VRK1: variants seen among roughly 807,000 people sequenced by gnomAD.
The protein encoded by VRK1 is VRK serine/threonine kinase 1.
A neutral mutation model predicts 57.1 loss-of-function variants in VRK1; 33 were observed. The observed-to-expected ratio is 0.58, with a 90% CI of 0.44 to 0.77. The LOEUF (loss-of-function observed/expected upper bound fraction) is 0.77. Ranked by LOEUF, VRK1 falls within the 30% of genes least tolerant of loss-of-function variation. The pLI, the probability that VRK1 is intolerant of heterozygous loss-of-function variation, is 0.00. For missense variants in VRK1, 413 were observed against 477.3 expected (o/e 0.87, Z 1.25); for synonymous variants, 137 against 147.8 (o/e 0.93, Z 0.53).
chr14:96,870,381 T>C (rs1888771976), intron 11 of VRK1, among the ~76,000 whole-genome samples: 1 of 152,192 alleles, frequency 6.6e-6, no homozygotes, highest in Non-Finnish European at 1.5e-5. Context: ...CCATAAATTG[T>C]ACTTGAACCA....
In VRK1 at chr14:96,856,112, C is replaced by T; in HGVS notation, c.710-18C>T. The T allele has an allele frequency of 6.2e-7, 1 of 1,613,076 alleles. No homozygotes were observed. The highest frequency in any genetic ancestry group is 8.5e-7 in the Non-Finnish European group (1 of 1,179,448). On this transcript the variant is annotated intron_variant, in intron 8 of 12. Coordinates refer to ENST00000216639, the MANE Select transcript of VRK1 (RefSeq NM_003384.3). ...AAATTATTTCAGTCTACCTAATGTTCTTCTCTTGCATTTGTAGCCCCATCA... is the reference window on the plus strand; with the variant it reads ...AAATTATTTCAGTCTACCTAATGTTTTTCTCTTGCATTTGTAGCCCCATCA...
chr14:96,808,002 C>CCTCTCTCCCTCTCTCCGTCT (rs149250994), intron 1 of VRK1, among the ~76,000 whole-genome samples: 1 of 118,140 alleles, frequency 8.5e-6, no homozygotes, highest in Admixed American at 8.5e-5. Flanking sequence ...TCCCTCTCTC[C>CCTCTCTCCCTCTCTCCGTCT]CTCTCTCTCT....
In VRK1 at chr14:96,804,892, A is replaced by G. The variant is rs115812971; in HGVS notation, c.-6+7445A>G. Among the ~76,000 whole-genome samples, 901 of 152,342 alleles carry G rather than the reference A, an allele frequency of 5.9e-3. 11 individuals are homozygous for G. The highest frequency in any genetic ancestry group is 0.021 in the African/African-American group (863 of 41,576). On this transcript the variant is annotated intron_variant, in intron 1 of 12. Coordinates refer to ENST00000216639, the MANE Select transcript of VRK1 (RefSeq NM_003384.3). ...TTTGCTGCTGTCCTCAGTGATGGAT[A>G]TGGAGAAGTCAGCAGGACTTCCAAA...
intron 1 of VRK1, among the ~76,000 whole-genome samples, chr14:96,824,267 T>C (rs916297876): frequency 3.9e-5 from 6 of 152,230 alleles, no homozygotes; most frequent in African/African-American, 1.4e-4. Flanking sequence ...TGAAAGCTCA[T>C]TTCATCTTGA....
intron 1 of VRK1, among the ~76,000 whole-genome samples, chr14:96,828,653 TA>T (rs140964712): frequency 0.063 from 9,545 of 152,128 alleles, 344 homozygotes; most frequent in South Asian, 0.11. Flanking sequence ...AGCAGCACAC[TA>T]AAAAAATTAT....
chr14:96,845,594 A>C (rs762699851), intron 3 of VRK1, among the ~76,000 whole-genome samples: 2 of 152,196 alleles, frequency 1.3e-5, no homozygotes, highest in Non-Finnish European at 2.9e-5. Flanking sequence ...GGAGATGCAT[A>C]ATATGGGCTC....
chr14:96,865,811 C>T (rs1888565144), intron 11 of VRK1, among the ~76,000 whole-genome samples: 1 of 150,170 alleles, frequency 6.7e-6, no homozygotes, highest in Non-Finnish European at 1.5e-5. Flanking sequence ...TCCTTTATGT[C>T]ATCTGATTGT....
chr14:96,827,117 A>G (rs988528025), intron 1 of VRK1, among the ~76,000 whole-genome samples: 3 of 134,080 alleles, frequency 2.2e-5, no homozygotes, highest in African/African-American at 8.7e-5. Context: ...GCACTAGGGA[A>G]CTTTATGGTG....
intron 2 of VRK1, among the ~76,000 whole-genome samples, chr14:96,835,582 A>G (rs1367751816): frequency 6.6e-6 from 1 of 152,168 alleles, no homozygotes; most frequent in Non-Finnish European, 1.5e-5. Context: ...AGGGATCTCT[A>G]CTTAGATGTT....
chr14:96,877,138 T>C (rs1889072651), intron 12 of VRK1, among the ~76,000 whole-genome samples: 1 of 152,144 alleles, frequency 6.6e-6, no homozygotes, highest in Non-Finnish European at 1.5e-5. Context: ...AAAGGCTTAT[T>C]TTTGGTTAAA....
intron 12 of VRK1, among the ~76,000 whole-genome samples, chr14:96,878,785 G>C (rs191728142): frequency 6.6e-6 from 1 of 152,070 alleles, no homozygotes; most frequent in African/African-American, 2.4e-5. Flanking sequence ...AGAAAATTTG[G>C]TTACTGGCTG....
chr14:96,815,831 A>C (rs897201288), intron 1 of VRK1, among the ~76,000 whole-genome samples: 2 of 152,026 alleles, frequency 1.3e-5, no homozygotes, highest in African/African-American at 4.8e-5. Flanking sequence ...CCGAGGCTGC[A>C]GTGAGCCATG....
At chr14:96,877,648 A>G (rs973239220) in intron 12 of VRK1, 1 of 1,285,334 alleles carries the variant, frequency 7.8e-7, no homozygotes, top group Non-Finnish European at 1.0e-6. Flanking sequence ...TTAAATTTTA[A>G]AACTGGCAAT....
intron 12 of VRK1, among the ~76,000 whole-genome samples, chr14:96,878,536 G>A (rs2139851462): frequency 6.6e-6 from 1 of 152,258 alleles, no homozygotes; most frequent in Non-Finnish European, 1.5e-5. Flanking sequence ...CAAAATGGGA[G>A]CAACTTTCCT....
chr14:96,828,682 A>T (rs978594731), intron 1 of VRK1, among the ~76,000 whole-genome samples: 4 of 149,094 alleles, frequency 2.7e-5, no homozygotes, highest in East Asian at 2.0e-4. Flanking sequence ...ACCAAGTATA[A>T]TTTTTTTTTT....
At chr14:96,880,621 T>G (rs1406867965) in intron 12 of VRK1, among the ~76,000 whole-genome samples, 2 of 152,224 alleles carry the variant, frequency 1.3e-5, no homozygotes, top group African/African-American at 2.4e-5. Flanking sequence ...GTATCACATA[T>G]GATCCTTTTC....
chr14:96,855,829 A>T lies in VRK1; in HGVS notation c.710-301A>T, dbSNP rs138545552. On this transcript the variant is annotated intron_variant, in intron 8 of 12. Transcript: ENST00000216639. Reference sequence around the variant, plus strand: ...CTTAATAGCATATAAAAATTTTAAGAATATCTTCAAGTTTTCCAAAGGAAA... The same window carrying T: ...CTTAATAGCATATAAAAATTTTAAGTATATCTTCAAGTTTTCCAAAGGAAA... Among the ~76,000 whole-genome samples, 20 of 152,262 alleles carry T rather than the reference A, an allele frequency of 1.3e-4. 1 individual carries two copies. The highest frequency in any genetic ancestry group is 4.8e-4 in the African/African-American group (20 of 41,544).
intron 1 of VRK1, among the ~76,000 whole-genome samples, chr14:96,822,440 C>T (rs1267923835): frequency 2.0e-5 from 3 of 152,166 alleles, no homozygotes; most frequent in African/African-American, 7.2e-5. Flanking sequence ...TACTAAATTA[C>T]TGATATTTAC....
At chr14:96,874,145 T>C (rs1888933563) in intron 11 of VRK1, among the ~76,000 whole-genome samples, 1 of 152,222 alleles carries the variant, frequency 6.6e-6, no homozygotes, top group African/African-American at 2.4e-5. Flanking sequence ...GGGAAATGCA[T>C]TCTCTGCTGT....
Sources: gnomAD v4.1 joint callset for allele counts (sites outside exome capture counted in the v4.1 genomes callset) on GRCh38, gnomAD v4.1.1 for gene constraint, MANE v1.5 for transcripts, NCBI Gene and HGNC (gene_info 2026-07-23, HGNC 2026-07-21) for gene names.